Variants in TTC28 observed in about 807,000 individuals in gnomAD.
TTC28 encodes the protein tetratricopeptide repeat domain 28.
TTC28 carries 61 observed loss-of-function variants against 198.0 expected under a neutral mutation model. The ratio of observed to expected loss-of-function variants is 0.31; its 90% CI spans 0.25 to 0.38. The LOEUF (loss-of-function observed/expected upper bound fraction) is 0.38, where lower values mean the gene tolerates loss of function less well. Among genes scored for constraint, TTC28 ranks in the 10% least tolerant of loss-of-function variants. The pLI, the probability that TTC28 is intolerant of heterozygous loss-of-function variation, is 1.00. For synonymous variants in TTC28, 1,171 were observed against 1,297.8 expected (o/e 0.90, Z 2.10); for missense variants, 2,678 against 3,164.0 (o/e 0.85, Z 3.69).
In TTC28 at chr22:27,982,230, G is replaced by A. The variant is rs766158393; in HGVS notation, c.7437C>T (p.Ser2479=). ...GGGTATAAAAGATGCTTTAGCATTT[G>A]GAAGAAGGGAAAAATCTTCCTGGAG... ...FLSPGRFFPS[S]KC is the part of the protein sequence containing the mutation. Residue 2479 remains serine (S), a synonymous_variant, in exon 23 of 23, where the codon TCC becomes TCT. Transcript: ENST00000397906. This position sits in a 1 kb window ranked among gnomAD's most constrained non-coding sequence, Gnocchi z 5.2. The A allele has an allele frequency of 1.4e-6, 2 of 1,464,944 alleles. No homozygotes were observed. Among genetic ancestry groups the A allele is most frequent in the Non-Finnish European group, 1.8e-6 (2 of 1,108,004 alleles). The allele number at this position is 1,464,944 out of a possible 1,614,324, so 90.7% of individuals were successfully genotyped here.
intron 2 of TTC28, among the ~76,000 whole-genome samples, chr22:28,597,768 A>C (rs60065194): frequency 1.3e-5 from 2 of 152,068 alleles, no homozygotes; most frequent in Non-Finnish European, 2.9e-5. Flanking sequence ...TAGCCTAAAA[A>C]AGATTACTAA....
intron 2 of TTC28, among the ~76,000 whole-genome samples, chr22:28,444,444 G>T (rs910834720): frequency 6.6e-6 from 1 of 152,144 alleles, no homozygotes; most frequent in Admixed American, 6.5e-5. Context: ...GACTGCTTTT[G>T]AGTTCTTTTC....
At chr22:28,241,381 G>A (rs1450901380) in intron 5 of TTC28, among the ~76,000 whole-genome samples, 1 of 152,046 alleles carries the variant, frequency 6.6e-6, no homozygotes, top group Non-Finnish European at 1.5e-5. Context: ...AAAACTAAAT[G>A]CAAAATCTAA....
At chr22:28,186,377 G>A (rs1437655112) in intron 5 of TTC28, among the ~76,000 whole-genome samples, 2 of 152,154 alleles carry the variant, frequency 1.3e-5, no homozygotes, top group Non-Finnish European at 2.9e-5. Context: ...CCTAGGTCTG[G>A]TTAATGTGTC....
At chr22:28,417,435 A>G (rs2047184810) in intron 2 of TTC28, among the ~76,000 whole-genome samples, 1 of 151,804 alleles carries the variant, frequency 6.6e-6, no homozygotes, top group South Asian at 2.1e-4. Flanking sequence ...TGACCATATC[A>G]CTGCACTCCA....
chr22:28,663,321 G>A (rs895229939), intron 1 of TTC28, among the ~76,000 whole-genome samples: 1 of 150,814 alleles, frequency 6.6e-6, no homozygotes, highest in Non-Finnish European at 1.5e-5. Context: ...GAACAGCTCC[G>A]GTCTACAGCT....
intron 12 of TTC28, among the ~76,000 whole-genome samples, chr22:28,071,658 C>T (rs1425092657): frequency 7.0e-6 from 1 of 141,856 alleles, no homozygotes; most frequent in Non-Finnish European, 1.5e-5. Context: ...GGGTGCAGCG[C>T]ACCAGCATGG....
chr22:28,388,418 C>T (rs1472263569), intron 2 of TTC28, among the ~76,000 whole-genome samples: 2 of 152,194 alleles, frequency 1.3e-5, no homozygotes, highest in African/African-American at 4.8e-5. Context: ...GACATTGAAT[C>T]TGTAAATTAT....
At chr22:28,218,722 C>G (rs972140732) in intron 5 of TTC28, among the ~76,000 whole-genome samples, 7 of 152,108 alleles carry the variant, frequency 4.6e-5, no homozygotes, top group African/African-American at 1.4e-4. Flanking sequence ...AAAAGATCTA[C>G]TCAAGGGTTG....
At position 28,297,932 on chromosome 22, in the gene TTC28, GAAAT is replaced by G. The variant is rs1423790770; in HGVS notation, c.530-84_530-81del. 5 of 1,406,768 alleles carry G rather than the reference GAAAT, an allele frequency of 3.6e-6. No individual in the cohort carries two copies. The East Asian group carries it at 1.0e-4, about 28-fold the overall frequency. 87.1% of individuals were successfully genotyped at this position (1,406,768 alleles called of 1,614,324 possible). On this transcript the variant is annotated intron_variant, in intron 3 of 22. Coordinates refer to ENST00000397906, the MANE Select transcript of TTC28 (RefSeq NM_001145418.2). The stretch of plus-strand genomic sequence containing the variant: ...AAACAATCTTTTCTAATACGCTCTA[GAAAT>G]AAATGTTTATCATATCTTTTGTGGC...
rs540047675 is a variant in TTC28, at chr22:28,450,381, G to C, written c.382-143738C>G. 2.6e-5 allele frequency among the ~76,000 whole-genome samples: 4 copies of C among 152,226 alleles called. No homozygotes were observed. In the South Asian group the frequency reaches 8.3e-4, roughly 32 times the overall value. On this transcript the variant is annotated intron_variant, in intron 2 of 22. Transcript: ENST00000397906. Reference sequence around the variant, plus strand: ...AATTTTTATTTGGCCAATAATGCCTGGTTCAAACCCTAGATCCACCACTTA... The same window carrying C: ...AATTTTTATTTGGCCAATAATGCCTCGTTCAAACCCTAGATCCACCACTTA...
chr22:28,102,127 G>A (rs1367731396), intron 8 of TTC28, among the ~76,000 whole-genome samples: 1 of 152,170 alleles, frequency 6.6e-6, no homozygotes. Flanking sequence ...GTTAAATACA[G>A]AAGGCAAAAG....
intron 21 of TTC28, among the ~76,000 whole-genome samples, chr22:27,986,992 A>ATCTC (rs1393819514): frequency 1.3e-5 from 2 of 152,186 alleles, no homozygotes; most frequent in African/African-American, 4.8e-5. Context: ...AGTCCTCTCC[A>ATCTC]TCTCTGACAG....
chr22:28,044,355 A>G (rs1939778222), intron 12 of TTC28, among the ~76,000 whole-genome samples: 1 of 152,154 alleles, frequency 6.6e-6, no homozygotes, highest in African/African-American at 2.4e-5. Context: ...ATGAACACAA[A>G]ACACACCTAT....
intron 12 of TTC28, among the ~76,000 whole-genome samples, chr22:28,042,582 G>C (rs899801168): frequency 6.6e-6 from 1 of 152,216 alleles, no homozygotes; most frequent in Middle Eastern, 3.4e-3. Flanking sequence ...GGCTTGTCAG[G>C]GGGTGGGGGA....
chr22:28,003,219 C>T (rs1049906096), intron 14 of TTC28, among the ~76,000 whole-genome samples: 2 of 152,064 alleles, frequency 1.3e-5, no homozygotes, highest in Non-Finnish European at 2.9e-5. Context: ...GTAAAGGTGG[C>T]TCAGGGGGCT....
intron 2 of TTC28, among the ~76,000 whole-genome samples, chr22:28,470,629 T>C (rs1333621334): frequency 6.6e-6 from 1 of 152,208 alleles, no homozygotes; most frequent in Non-Finnish European, 1.5e-5. Flanking sequence ...TTCTCTAATA[T>C]AACTGCATAA....
chr22:28,070,407 C>G (rs992562960), intron 12 of TTC28, among the ~76,000 whole-genome samples: 5 of 152,154 alleles, frequency 3.3e-5, no homozygotes, highest in African/African-American at 1.2e-4. Flanking sequence ...CTACTCAAGC[C>G]TAACAAATAG....
intron 12 of TTC28, among the ~76,000 whole-genome samples, chr22:28,037,080 C>T (rs1446665036): frequency 6.6e-6 from 1 of 152,146 alleles, no homozygotes; most frequent in Non-Finnish European, 1.5e-5. Context: ...CCGAATTCTA[C>T]CAGAGGCATA....
Sources: allele counts gnomAD v4.1 joint callset (sites outside exome capture counted in the v4.1 genomes callset), GRCh38; gene constraint gnomAD v4.1.1; non-coding constraint Gnocchi (gnomAD v3.1); transcripts MANE v1.5; gene names NCBI Gene and HGNC (gene_info 2026-07-23, HGNC 2026-07-21).